The following EZH2 variants were observed in gnomAD, a reference collection of about 807,000 sequenced individuals.
EZH2 encodes enhancer of zeste 2 polycomb repressive complex 2 subunit.
EZH2 carries 18 observed loss-of-function variants against 98.4 expected under a neutral mutation model. That is an observed-to-expected ratio of 0.18 (90% CI 0.13 to 0.27). The LOEUF is 0.27. Among genes scored for constraint, EZH2 ranks in the 10% least tolerant of loss-of-function variants. The pLI, the probability that EZH2 is intolerant of heterozygous loss-of-function variation, is 1.00. For synonymous variants in EZH2, 338 were observed against 312.3 expected (o/e 1.08, Z -0.87); for missense variants, 470 against 935.1 (o/e 0.50, Z 6.49).
intron 14 of EZH2, 69 bp downstream of exon 14, chr7:148,814,845 A>AT: frequency 6.5e-7 from 1 of 1,537,950 alleles, no homozygotes; most frequent in Non-Finnish European, 8.8e-7. Context: ...CTTATTTTTG[A>AT]TTTTTTAAAT....
intron 1 of EZH2, among the ~76,000 whole-genome samples, chr7:148,881,404 G>A (rs1169557324): frequency 1.3e-5 from 2 of 152,132 alleles, no homozygotes; most frequent in Non-Finnish European, 2.9e-5. Context: ...AAATGTATTT[G>A]TGCAAGGCAA....
intron 13 of EZH2, 138 bp from the exon 14 acceptor site, chr7:148,815,177 A>G: frequency 8.7e-7 from 1 of 1,153,010 alleles, no homozygotes; most frequent in Non-Finnish European, 1.2e-6. Flanking sequence ...AACATTACAC[A>G]TATTCCGGTT....
rs1165675267 is a variant in EZH2 at position 148,819,705 on chromosome 7, CAAAG to C, written c.908-22_908-19del. The C allele has an allele frequency of 1.2e-6, 2 of 1,605,316 alleles. No homozygotes were observed. The highest frequency in any genetic ancestry group is 1.7e-6 in the Non-Finnish European group (2 of 1,172,548). On this transcript the variant is annotated intron_variant, in intron 8 of 19. Transcript: ENST00000320356. ...ATGAAAAGCTGCAAAATAAATGAAA[CAAAG>C]AATCTAATATAACTATAAAATACTT...
At chr7:148,810,457 G>C (rs1228917210) in intron 16 of EZH2, 43 bp from the exon 17 acceptor site, 1 of 1,375,444 alleles carries the variant, frequency 7.3e-7, no homozygotes, top group Middle Eastern at 1.8e-4. Context: ...GGATAAAGGT[G>C]ATCAAGCCTG....
In EZH2 at chr7:148,827,070, G is replaced by C. The variant is rs1242296268; in HGVS notation, c.728+94C>G. ...CAAACACTGTAAACAAAGTGTAGTG[G>C]CTCATCCGCTACATTGATTCCATTT... On this transcript the variant is annotated intron_variant, in intron 7 of 19. Coordinates refer to ENST00000320356, the MANE Select transcript of EZH2 (RefSeq NM_004456.5). 51 of 877,522 alleles carry C rather than the reference G, an allele frequency of 5.8e-5. No individual in the cohort carries two copies. In the South Asian group the frequency reaches 7.6e-4, roughly 13 times the overall value. The allele number at this position is 877,522 out of a possible 1,614,324, so 54.4% of individuals were successfully genotyped here.
intron 1 of EZH2, among the ~76,000 whole-genome samples, chr7:148,868,580 G>C (rs1282839426): frequency 6.6e-6 from 1 of 152,122 alleles, no homozygotes; most frequent in Non-Finnish European, 1.5e-5. Context: ...CGCGTGATTT[G>C]GGTGGGGCCA....
In EZH2 at chr7:148,818,355, G is replaced by A. The variant is rs548591056; in HGVS notation, c.1000-238C>T. On this transcript the variant is annotated intron_variant, in intron 9 of 19. Coordinates refer to ENST00000320356, the MANE Select transcript of EZH2 (RefSeq NM_004456.5). ...CTAGAATGGTACAAAAATCAGGCAAGACAGTTCTATATTGTGAATTTGTAA... is the reference window on the plus strand; with the variant it reads ...CTAGAATGGTACAAAAATCAGGCAAAACAGTTCTATATTGTGAATTTGTAA... Among the ~76,000 whole-genome samples, 4 of 152,218 alleles carry A rather than the reference G, an allele frequency of 2.6e-5. No individual in the cohort carries two copies. In the East Asian group the frequency reaches 5.8e-4, roughly 22 times the overall value.
intron 9 of EZH2, 102 bp from the exon 10 acceptor site, chr7:148,818,219 T>A: frequency 8.5e-7 from 1 of 1,180,036 alleles, no homozygotes; most frequent in South Asian, 1.7e-5. Flanking sequence ...AAAAAATGTA[T>A]CACATTATCC....
At position 148,859,908 on chromosome 7, in the gene EZH2, T is replaced by C. The variant is rs1215395514; in HGVS notation, c.-7-12603A>G. Among the ~76,000 whole-genome samples, 5 of 152,340 alleles carry C rather than the reference T, an allele frequency of 3.3e-5. No homozygotes were observed. The South Asian group carries it at 6.2e-4, about 19-fold the overall frequency. ...GCTTGCTGGCCCCGTTCTGGTTAACTAGTAGGTCTCATTATCCTGAACAAA... is the reference window on the plus strand; with the variant it reads ...GCTTGCTGGCCCCGTTCTGGTTAACCAGTAGGTCTCATTATCCTGAACAAA... On this transcript the variant is annotated intron_variant, in intron 1 of 19. Transcript: ENST00000320356.
intron 1 of EZH2, among the ~76,000 whole-genome samples, chr7:148,877,850 C>A (rs900468306): frequency 6.6e-6 from 1 of 152,194 alleles, no homozygotes; most frequent in Non-Finnish European, 1.5e-5. Context: ...CTTCTCGGAG[C>A]TGACATATCT....
chr7:148,873,489 C>T (rs1230380495), intron 1 of EZH2, among the ~76,000 whole-genome samples: 1 of 75,068 alleles, frequency 1.3e-5, no homozygotes, highest in African/African-American at 7.2e-5. Context: ...GAGACTCTGT[C>T]TCAAAAAAAA....
intron 1 of EZH2, among the ~76,000 whole-genome samples, chr7:148,849,216 T>C (rs558915084): frequency 6.6e-5 from 10 of 152,062 alleles, no homozygotes; most frequent in Admixed American, 2.0e-4. Flanking sequence ...AAAAGCACTT[T>C]GGGAGAAAGA....
intron 1 of EZH2, among the ~76,000 whole-genome samples, chr7:148,859,467 T>C (rs539288623): frequency 3.9e-5 from 6 of 152,056 alleles, no homozygotes; most frequent in African/African-American, 1.2e-4. Context: ...GATGTGCCAC[T>C]GCACCAGCCT....
At chr7:148,814,510 T>A (rs1441626362) in intron 14 of EZH2, among the ~76,000 whole-genome samples, 1 of 152,170 alleles carries the variant, frequency 6.6e-6, no homozygotes, top group Non-Finnish European at 1.5e-5. Context: ...TATAAAAATC[T>A]ACTATGTTTA....
At chr7:148,872,031 T>C (rs964814608) in intron 1 of EZH2, among the ~76,000 whole-genome samples, 3 of 152,196 alleles carry the variant, frequency 2.0e-5, no homozygotes, top group African/African-American at 4.8e-5. Context: ...TTACTGCATA[T>C]TACTCCTGGC....
rs1808720952 is a variant in EZH2, at chr7:148,829,532, T to TC, written c.484+195dup. 2.6e-5 allele frequency among the ~76,000 whole-genome samples: 4 copies of TC among 152,344 alleles called. No homozygotes were observed. The South Asian group carries it at 8.3e-4, about 32-fold the overall frequency. ...AATTATCAGGTGGCAAACATGATCC[T>TC]CCTAACTAATTTTCCCAAAAATAGT... On this transcript the variant is annotated intron_variant, in intron 5 of 19. Coordinates refer to ENST00000320356, the MANE Select transcript of EZH2 (RefSeq NM_004456.5).
intron 1 of EZH2, among the ~76,000 whole-genome samples, chr7:148,866,592 T>C (rs1042398383): frequency 5.1e-5 from 6 of 116,576 alleles, no homozygotes; most frequent in African/African-American, 1.9e-4. Flanking sequence ...ATATATTGTA[T>C]ACACTATATA....
intron 12 of EZH2, 132 bp from the exon 13 acceptor site, chr7:148,815,678 G>T (rs1334697086): frequency 1.3e-6 from 1 of 773,874 alleles, no homozygotes; most frequent in Non-Finnish European, 2.2e-6. Context: ...GCCCTGCCCA[G>T]TTTATATTTG....
At chr7:148,820,673 GGATTAC>G (rs1805798337) in intron 8 of EZH2, among the ~76,000 whole-genome samples, 1 of 151,998 alleles carries the variant, frequency 6.6e-6, no homozygotes, top group African/African-American at 2.4e-5. Flanking sequence ...ATCTGGTGCT[GGATTAC>G]GTTTGTTAAG....
Sources: allele counts gnomAD v4.1 joint callset (sites outside exome capture counted in the v4.1 genomes callset), GRCh38; gene constraint gnomAD v4.1.1; transcripts MANE v1.5; gene names NCBI Gene and HGNC (gene_info 2026-07-23, HGNC 2026-07-21).